The following TRIM24 variants were observed in gnomAD, a reference collection of about 807,000 sequenced individuals.
TRIM24 encodes the protein tripartite motif containing 24.
Under a neutral mutation model 123.9 loss-of-function variants are expected in TRIM24, and 29 were observed. The ratio of observed to expected loss-of-function variants is 0.23; its 90% CI spans 0.17 to 0.32. The LOEUF (loss-of-function observed/expected upper bound fraction) is 0.32, where lower values mean the gene tolerates loss of function less well. TRIM24 is among the 10% of genes least tolerant of loss of function. The pLI, the probability that TRIM24 is intolerant of heterozygous loss-of-function variation, is 1.00. For missense variants in TRIM24, 932 were observed against 1,295.3 expected (o/e 0.72, Z 4.31); for synonymous variants, 456 against 461.1 (o/e 0.99, Z 0.14).
intron 7 of TRIM24, among the ~76,000 whole-genome samples, chr7:138,544,206 A>T (rs1288435157): frequency 6.6e-6 from 1 of 152,172 alleles, no homozygotes; most frequent in African/African-American, 2.4e-5. Flanking sequence ...AGCCCCTAGT[A>T]ACCACCATTC....
At chr7:138,528,211 C>G (rs187429513) in intron 5 of TRIM24, among the ~76,000 whole-genome samples, 1 of 152,270 alleles carries the variant, frequency 6.6e-6, no homozygotes, top group Non-Finnish European at 1.5e-5. Flanking sequence ...TCATGACTTT[C>G]ACTGAGCTGC....
chr7:138,467,379 G>T (rs1177214691), intron 1 of TRIM24, among the ~76,000 whole-genome samples: 1 of 152,052 alleles, frequency 6.6e-6, no homozygotes, highest in Non-Finnish European at 1.5e-5. Flanking sequence ...GTCTTGCTCT[G>T]TTACCAGGCT....
intron 5 of TRIM24, among the ~76,000 whole-genome samples, chr7:138,526,453 T>G (rs13229233): frequency 8.1e-5 from 12 of 148,508 alleles, no homozygotes; most frequent in East Asian, 1.9e-4. Context: ...TTGTTTTTTG[T>G]TTTTTTTTGA....
intron 17 of TRIM24, among the ~76,000 whole-genome samples, chr7:138,582,147 G>A (rs923727155): frequency 6.6e-6 from 1 of 152,028 alleles, no homozygotes; most frequent in African/African-American, 2.4e-5. Flanking sequence ...TTCTTTATAG[G>A]TCCAGACTTC....
intron 7 of TRIM24, among the ~76,000 whole-genome samples, chr7:138,548,682 T>A (rs1797151506): frequency 6.6e-6 from 1 of 152,358 alleles, no homozygotes; most frequent in Non-Finnish European, 1.5e-5. Flanking sequence ...TTATAAACTT[T>A]TTAATTTTTT....
At chr7:138,463,043 G>GC (rs1368069679) in intron 1 of TRIM24, among the ~76,000 whole-genome samples, 4 of 60,132 alleles carry the variant, frequency 6.7e-5, no homozygotes, top group Admixed American at 2.5e-4. Flanking sequence ...CTAATTTTGT[G>GC]TTTTTTTTTT....
intron 7 of TRIM24, among the ~76,000 whole-genome samples, chr7:138,546,727 A>G (rs1022022842): frequency 1.3e-5 from 2 of 152,218 alleles, no homozygotes; most frequent in Admixed American, 6.5e-5. Context: ...CAGTGTTTCT[A>G]TGATTTCAAA....
chr7:138,501,403 G>T (rs2116521235), intron 1 of TRIM24, among the ~76,000 whole-genome samples: 3 of 151,910 alleles, frequency 2.0e-5, no homozygotes, highest in Admixed American at 2.0e-4. Flanking sequence ...GCCAATTTGT[G>T]TATTTTTAGT....
In TRIM24 at chr7:138,570,946, T is replaced by C. The variant is rs777873065; in HGVS notation, c.1821T>C (p.Pro607=). Residue 607 remains proline, a synonymous_variant, in exon 11 of 19, where the codon CCT becomes CCC. Transcript: ENST00000343526. ...AGYDGKAFGS[P]MIDLSSPVGG... Reference sequence around the variant, plus strand: ...ATGATGGAAAGGCTTTTGGTTCACCTATGATCGATTTGAGCTCACCAGTGG... The same window carrying C: ...ATGATGGAAAGGCTTTTGGTTCACCCATGATCGATTTGAGCTCACCAGTGG... The C allele has an allele frequency of 5.6e-6, 9 of 1,614,054 alleles. No individual in the cohort carries two copies. The highest frequency in any genetic ancestry group is 2.7e-5 in the African/African-American group (2 of 74,930).
chr7:138,557,362 G>C (rs1278853466), intron 9 of TRIM24, among the ~76,000 whole-genome samples: 1 of 152,152 alleles, frequency 6.6e-6, no homozygotes, highest in Non-Finnish European at 1.5e-5. Flanking sequence ...TTCATGAAAA[G>C]GCAGGTTTCT....
At chr7:138,500,660 G>GCC (rs1266410454) in intron 1 of TRIM24, among the ~76,000 whole-genome samples, 1 of 151,420 alleles carries the variant, frequency 6.6e-6, no homozygotes, top group African/African-American at 2.4e-5. Flanking sequence ...GATCCCTTGA[G>GCC]CCCAGGAGTT....
intron 7 of TRIM24, among the ~76,000 whole-genome samples, chr7:138,542,949 A>G (rs551816621): frequency 3.3e-5 from 5 of 152,292 alleles, no homozygotes; most frequent in Admixed American, 6.5e-5. Flanking sequence ...TCTATACACT[A>G]TATACCTTCT....
intron 3 of TRIM24, among the ~76,000 whole-genome samples, chr7:138,516,379 TG>T (rs1796396196): frequency 1.3e-5 from 2 of 152,200 alleles, no homozygotes; most frequent in South Asian, 4.1e-4. Context: ...TTCTTTTTGT[TG>T]AGAGTGAGTC....
chr7:138,563,442 A>G (rs1176456302), intron 9 of TRIM24, among the ~76,000 whole-genome samples: 1 of 152,120 alleles, frequency 6.6e-6, no homozygotes, highest in Non-Finnish European at 1.5e-5. Flanking sequence ...CCGTGTCCAC[A>G]TCCGCACCCT....
At chr7:138,511,213 G>A (rs987864309) in intron 2 of TRIM24, among the ~76,000 whole-genome samples, 1 of 152,142 alleles carries the variant, frequency 6.6e-6, no homozygotes, top group Non-Finnish European at 1.5e-5. Flanking sequence ...CAATCATGGT[G>A]GAAGGTGAAG....
intron 1 of TRIM24, among the ~76,000 whole-genome samples, chr7:138,476,567 T>G (rs1795404959): frequency 7.0e-6 from 1 of 142,836 alleles, no homozygotes; most frequent in Non-Finnish European, 1.5e-5. Context: ...CACTCCAGCC[T>G]GGGCGACAGA....
chr7:138,571,015 C>T lies in TRIM24; in HGVS notation c.1878+12C>T, dbSNP rs74520904. 769 of 1,613,268 alleles carry T rather than the reference C, an allele frequency of 4.8e-4. 7 individuals carry two copies. The East Asian group carries it at 0.013, about 28-fold the overall frequency. ...CCTCTCTTCCGGATGTAAGTAGACA[C>T]AAAATTTATACTAGCCTCTGTTGAA... On this transcript the variant is annotated intron_variant, in intron 11 of 18. Transcript: ENST00000343526.
intron 7 of TRIM24, among the ~76,000 whole-genome samples, chr7:138,549,584 G>A (rs10247380): frequency 0.78 from 118,238 of 152,070 alleles, 46,259 homozygotes; most frequent in Non-Finnish European, 0.82. Context: ...CCTGTGTGAA[G>A]AGCTACTACA....
intron 13 of TRIM24, 104 bp downstream of exon 13, chr7:138,576,549 C>G (rs1797763797): frequency 1.1e-6 from 1 of 914,940 alleles, no homozygotes; most frequent in Non-Finnish European, 1.6e-6. Flanking sequence ...TGAACAATTT[C>G]CTTTATTTTT....
Sources: allele counts gnomAD v4.1 joint callset (sites outside exome capture counted in the v4.1 genomes callset), GRCh38; gene constraint gnomAD v4.1.1; transcripts MANE v1.5; gene names NCBI Gene and HGNC (gene_info 2026-07-23, HGNC 2026-07-21).